Variants in COL9A1 observed in about 807,000 individuals in gnomAD.
COL9A1 encodes collagen type IX alpha 1 chain, also known as collagen alpha-1(IX) chain.
In COL9A1, 104 loss-of-function variants were observed where a neutral mutation model predicts 142.6. The observed-to-expected ratio is 0.73, with a 90% CI of 0.62 to 0.86. COL9A1 has a LOEUF of 0.86. COL9A1 is among the 40% of genes least tolerant of loss of function. The pLI, the probability that COL9A1 is intolerant of heterozygous loss-of-function variation, is 0.00. For synonymous variants in COL9A1, 466 were observed against 396.0 expected, an observed-to-expected ratio of 1.18 and a Z score of -2.10; for missense variants, 1,210 against 1,176.6, an observed-to-expected ratio of 1.03 and a Z score of -0.42.
chr6:70,302,173 A>T, intron 1 of COL9A1, 99 bp from the exon 2 acceptor site: 1 of 712,330 alleles, frequency 1.4e-6, no homozygotes, highest in Non-Finnish European at 2.5e-6. Context: ...ATGTAAGGTG[A>T]TCAAATCACA....
intron 5 of COL9A1, among the ~76,000 whole-genome samples, chr6:70,293,631 TCACACACACA>T (rs3222430): frequency 0.011 from 1,574 of 137,844 alleles, 33 homozygotes; most frequent in African/African-American, 0.036. Flanking sequence ...TCTCTCTCTT[TCACACACACA>T]CACACACACA....
intron 12 of COL9A1, 46 bp downstream of exon 12, chr6:70,274,001 C>A: frequency 1.5e-6 from 2 of 1,312,152 alleles, no homozygotes. Flanking sequence ...CAGAATTTTA[C>A]CTAAAGATAG....
At position 70,283,813 on chromosome 6, in the gene COL9A1, A is replaced by G; in HGVS notation, c.704T>C (p.Leu235Pro). The part of the protein sequence containing the change: ...DNPQVSVPFE[L>P]QWMLIHCDPL... The stretch of plus-strand genomic sequence containing the variant: ...GTCACAATGGATCAGCATCCATTGA[A>G]GTTCAAACTGGAGAAAGGTAGTAGA... Residue 235 changes from leucine (L) to proline (P), a missense_variant, in exon 6 of 38, where the codon CTT (leucine) becomes CCT (proline). Coordinates refer to ENST00000357250, the MANE Select transcript of COL9A1 (RefSeq NM_001851.6). 1 of 1,606,076 alleles carries G rather than the reference A, an allele frequency of 6.2e-7. No individual in the cohort carries two copies. The highest frequency in any genetic ancestry group is 8.5e-7 in the Non-Finnish European group (1 of 1,175,840).
In COL9A1 at chr6:70,257,771, A is replaced by G. The variant is rs147337148; in HGVS notation, c.1450-950T>C. Among the ~76,000 whole-genome samples, 218 of 152,274 alleles carry G rather than the reference A, an allele frequency of 1.4e-3. 1 individual carries two copies. The highest frequency in any genetic ancestry group is 5.0e-3 in the African/African-American group (209 of 41,534). ...CAAAAACACACACAAAAAATTTATT[A>G]ACGATGAAGGCCATGGAGCCACTCT... On this transcript the variant is annotated intron_variant, in intron 20 of 37. Transcript: ENST00000357250.
At chr6:70,288,898 T>C (rs910881913) in intron 5 of COL9A1, among the ~76,000 whole-genome samples, 3 of 152,186 alleles carry the variant, frequency 2.0e-5, no homozygotes, top group African/African-American at 7.2e-5. Context: ...TTACACAGAA[T>C]GTAAGCGACA....
At position 70,294,453 on chromosome 6, in the gene COL9A1, G is replaced by A. The variant is rs1773776302; in HGVS notation, c.410C>T (p.Ser137Phe). The A allele has an allele frequency of 1.2e-6, 2 of 1,614,008 alleles. No individual in the cohort carries two copies. The highest frequency in any genetic ancestry group is 1.7e-5 in the Admixed American group (1 of 59,996). ...CTTTATGCCAACTTGCTCCTTCCCA[G>A]AGGAATCCTGAATCTGCCAAATGTT... is the stretch of plus-strand genomic sequence containing the variant. ...NWNIWQIQDS[S>F]GKEQVGIKIN... Residue 137 changes from serine (S) to phenylalanine (F), a missense_variant, in exon 5 of 38, where the codon TCT becomes TTT. By Grantham distance (155) the Ser-to-Phe change is radical (BLOSUM62 -2). Coordinates refer to ENST00000357250, the MANE Select transcript of COL9A1 (RefSeq NM_001851.6).
At chr6:70,295,781 A>T (rs1773830740) in intron 4 of COL9A1, among the ~76,000 whole-genome samples, 1 of 152,202 alleles carries the variant, frequency 6.6e-6, no homozygotes, top group South Asian at 2.1e-4. Context: ...TGAACTTTAA[A>T]AATCAGCATG....
chr6:70,242,293 GC>G, intron 29 of COL9A1: 1 of 584,922 alleles, frequency 1.7e-6, no homozygotes, highest in South Asian at 1.9e-5. Context: ...TTTCAGTCAA[GC>G]CCCCGCCACC....
chr6:70,229,484 T>C (rs1331972189), intron 36 of COL9A1, among the ~76,000 whole-genome samples: 2 of 152,210 alleles, frequency 1.3e-5, no homozygotes, highest in African/African-American at 4.8e-5. Flanking sequence ...ATTTCATTTA[T>C]TCATGAGCTA....
rs1162582565 is a variant in COL9A1 at position 70,272,067 on chromosome 6, G to T, written c.1087C>A (p.Pro363Thr). Residue 363 changes from proline to threonine, a missense_variant and splice_region_variant, in exon 13 of 38, where the codon CCT becomes ACT. Transcript: ENST00000357250. The stretch of plus-strand genomic sequence containing the variant: ...ATAAATGATGAAGTGATACTTACAG[G>T]GGGTCCAGGAATACCACGGCCCTAA... The part of the protein sequence containing the change: ...GFPGRGIPGP[P>T]GPPGTAGLPG... The T allele has an allele frequency of 1.2e-6, 2 of 1,611,932 alleles. No individual in the cohort carries two copies. Among genetic ancestry groups the T allele is most frequent in the Middle Eastern group, 1.7e-4 (1 of 6,056 alleles).
At chr6:70,268,717 T>C in intron 17 of COL9A1, 87 bp downstream of exon 17, 1 of 1,225,872 alleles carries the variant, frequency 8.2e-7, no homozygotes. Flanking sequence ...AAGTGGGGTC[T>C]CTGCACCAGG....
At chr6:70,277,607 C>T (rs1562321640) in intron 10 of COL9A1, among the ~76,000 whole-genome samples, 1 of 152,136 alleles carries the variant, frequency 6.6e-6, no homozygotes, top group Non-Finnish European at 1.5e-5. Context: ...GCAGAGAAAA[C>T]CAGTCCTCAA....
intron 7 of COL9A1, 118 bp from the exon 8 acceptor site, chr6:70,281,582 G>C (rs1773171389): frequency 1.3e-6 from 1 of 743,938 alleles, no homozygotes; most frequent in Non-Finnish European, 2.2e-6. Context: ...GAGGAGGCCG[G>C]GTTTTGCAAC....
At chr6:70,245,831 T>G (rs1770567513) in intron 28 of COL9A1, 1 of 152,214 alleles carries the variant, frequency 6.6e-6, no homozygotes, top group Non-Finnish European at 1.5e-5. Flanking sequence ...GGCAGGTGCC[T>G]GTACTCCCAG....
intron 5 of COL9A1, among the ~76,000 whole-genome samples, chr6:70,286,937 G>T (rs1439960110): frequency 6.6e-6 from 1 of 152,212 alleles, no homozygotes; most frequent in South Asian, 2.1e-4. Flanking sequence ...ACACATTCAT[G>T]TGCTTTGGGA....
intron 37 of COL9A1, among the ~76,000 whole-genome samples, chr6:70,225,169 G>A (rs751043077): frequency 2.0e-5 from 3 of 152,162 alleles, no homozygotes; most frequent in Admixed American, 6.5e-5. Context: ...ATAAGAGAGC[G>A]TTTGCTGGAA....
At chr6:70,236,013 T>A (rs1156812382) in intron 33 of COL9A1, among the ~76,000 whole-genome samples, 1 of 147,112 alleles carries the variant, frequency 6.8e-6, no homozygotes, top group Non-Finnish European at 1.5e-5. Flanking sequence ...CTCAGGAGGC[T>A]GAGGCAGGAG....
At chr6:70,302,204 CTTTTTTTT>C (rs202054376) in intron 1 of COL9A1, 130 bp from the exon 2 acceptor site, 23 of 354,952 alleles carry the variant, frequency 6.5e-5, no homozygotes, top group East Asian at 3.3e-4. Context: ...TTTTTCATTT[CTTTTTTTT>C]TTTTTTTTTT....
intron 37 of COL9A1, among the ~76,000 whole-genome samples, chr6:70,220,633 C>T (rs907517391): frequency 1.3e-5 from 2 of 152,292 alleles, no homozygotes; most frequent in East Asian, 3.9e-4. Flanking sequence ...GGCCTTTGCT[C>T]TCATGTATGT....
Sources: allele counts gnomAD v4.1 joint callset (sites outside exome capture counted in the v4.1 genomes callset), GRCh38; gene constraint gnomAD v4.1.1; transcripts MANE v1.5; gene names NCBI Gene and HGNC (gene_info 2026-07-23, HGNC 2026-07-21).